FER1L6: variants seen among roughly 807,000 people sequenced by gnomAD.
FER1L6 encodes the protein fer-1 like family member 6.
Under a neutral mutation model 219.2 loss-of-function variants are expected in FER1L6, and 177 were observed. The observed-to-expected ratio is 0.81, with a 90% confidence interval of 0.71 to 0.91. The LOEUF is 0.91. Among genes scored for constraint, FER1L6 ranks in the 40% least tolerant of loss-of-function variants. The pLI, the probability that FER1L6 is intolerant of heterozygous loss-of-function variation, is 0.00. For synonymous variants in FER1L6, 768 were observed against 824.3 expected, an observed-to-expected ratio of 0.93 and a Z score of 1.17; for missense variants, 2,153 against 2,259.9, an observed-to-expected ratio of 0.95 and a Z score of 0.96.
chr8:123,863,803 C>A (rs1437655899), intron 1 of FER1L6, among the ~76,000 whole-genome samples: 1 of 149,820 alleles, frequency 6.7e-6, no homozygotes, highest in East Asian at 1.9e-4. Context: ...GGATTGCAAC[C>A]CCTGCCTTTT....
chr8:124,069,490 A>G lies in FER1L6; in HGVS notation c.3834+15A>G, dbSNP rs372640160. On this transcript the variant is annotated intron_variant, in intron 29 of 40. Transcript: ENST00000522917. ...CCATCTTGCAGGTATGTGGGGACAC[A>G]GGCATCTCTGCCATGGATGGGGAGG... 164 of 1,579,842 alleles carry G rather than the reference A, an allele frequency of 1.0e-4. No individual in the cohort carries two copies. Among genetic ancestry groups the G allele is most frequent in the Middle Eastern group, 6.7e-4 (4 of 5,966 alleles).
chr8:124,119,396 T>C (rs1262882214), intron 40 of FER1L6, among the ~76,000 whole-genome samples: 1 of 152,136 alleles, frequency 6.6e-6, no homozygotes, highest in African/African-American at 2.4e-5. Context: ...TCTCGCTCTC[T>C]GCTCCACACC....
chr8:123,883,352 A>G (rs141438354), intron 1 of FER1L6, among the ~76,000 whole-genome samples: 4 of 152,218 alleles, frequency 2.6e-5, no homozygotes, highest in African/African-American at 7.2e-5. Context: ...AAGCATTGGC[A>G]TGCAGGCACA....
In FER1L6 at chr8:124,101,089, A is replaced by G; in HGVS notation, c.4884-8A>G. ...TGAGTGTTTAAATTATTTTGAATCT[A>G]TTTTTAGGTGGTTAAAGGGCTTGGA... On this transcript the variant is annotated splice_polypyrimidine_tract_variant and splice_region_variant and intron_variant, in intron 37 of 40. Transcript: ENST00000522917. 2.5e-6 allele frequency: 4 copies of G among 1,613,018 alleles called. No homozygotes were observed. The highest frequency in any genetic ancestry group is 3.4e-6 in the Non-Finnish European group (4 of 1,179,258).
At chr8:124,028,961 C>T (rs1004076533) in intron 18 of FER1L6, among the ~76,000 whole-genome samples, 7 of 152,074 alleles carry the variant, frequency 4.6e-5, no homozygotes, top group East Asian at 1.9e-4. Context: ...TGACAGGCCC[C>T]GGTGTGTGAT....
Position 124,035,430 on chromosome 8 carries a change from C to T in FER1L6, c.2440C>T (p.Pro814Ser), listed in dbSNP as rs1247782587. Residue 814 changes from proline to serine, a missense_variant, in exon 19 of 41, where the codon CCC becomes TCC. By Grantham distance (74) the Pro-to-Ser change is moderately conservative. Transcript: ENST00000522917. Reference sequence around the variant, plus strand: ...CTCCAAAGGGGCTGGCACCAATCACCCCCCATCTAACCTGCTCTACCAAGG... The same window carrying T: ...CTCCAAAGGGGCTGGCACCAATCACTCCCCATCTAACCTGCTCTACCAAGG... ...MSSKGAGTNH[P>S]PSNLLYQEQH... 4 of 1,613,290 alleles carry T rather than the reference C, an allele frequency of 2.5e-6. No homozygotes were observed. Among genetic ancestry groups the T allele is most frequent in the Non-Finnish European group, 3.4e-6 (4 of 1,179,894 alleles).
chr8:124,044,571 T>C (rs994516859), intron 20 of FER1L6, among the ~76,000 whole-genome samples: 30 of 152,196 alleles, frequency 2.0e-4, no homozygotes, highest in African/African-American at 6.5e-4. Context: ...ACTTTCCTCC[T>C]AGATTGAACA....
chr8:124,020,197 C>T (rs1180726705), intron 16 of FER1L6, among the ~76,000 whole-genome samples: 1 of 152,182 alleles, frequency 6.6e-6, no homozygotes, highest in African/African-American at 2.4e-5. Context: ...ACTTGCTCCT[C>T]CTTGCCTTCC....
intron 1 of FER1L6, among the ~76,000 whole-genome samples, chr8:123,897,397 G>A (rs1021463156): frequency 1.3e-5 from 2 of 152,302 alleles, no homozygotes; most frequent in Admixed American, 1.3e-4. Context: ...AGACAAGGTA[G>A]GGAGAGTGCT....
At chr8:123,948,222 C>A (rs1814588749) in intron 1 of FER1L6, among the ~76,000 whole-genome samples, 1 of 152,194 alleles carries the variant, frequency 6.6e-6, no homozygotes, top group South Asian at 2.1e-4. Context: ...AACTGAGGCA[C>A]AGCAAGGTTG....
chr8:124,082,366 A>AGAT lies in FER1L6; in HGVS notation c.4302_4304dup (p.Asp1435dup), dbSNP rs1269723207. On this transcript the variant is annotated inframe_insertion, in exon 33 of 41. Coordinates refer to ENST00000522917, the MANE Select transcript of FER1L6 (RefSeq NM_001039112.2). ...TCTATGACCATGACATGATTGGCAC[A>AGAT]GATGACCTTATTGGTGAGACCAAGA... The AGAT allele has an allele frequency of 6.2e-7, 1 of 1,614,096 alleles. No homozygotes were observed. Among genetic ancestry groups the AGAT allele is most frequent in the Non-Finnish European group, 8.5e-7 (1 of 1,179,944 alleles).
chr8:124,067,653 T>G (rs1820883523), intron 27 of FER1L6, 114 bp from the exon 28 acceptor site: 2 of 955,428 alleles, frequency 2.1e-6, no homozygotes, highest in Non-Finnish European at 3.2e-6. Flanking sequence ...ACAGACTGTT[T>G]GAATACTCTT....
At chr8:123,904,787 A>T (rs1812922129) in intron 1 of FER1L6, among the ~76,000 whole-genome samples, 3 of 152,220 alleles carry the variant, frequency 2.0e-5, no homozygotes, top group African/African-American at 7.2e-5. Flanking sequence ...GGCAAACAAC[A>T]AACAGAGAAA....
At chr8:123,870,262 A>G (rs1484106784) in intron 1 of FER1L6, among the ~76,000 whole-genome samples, 4 of 152,256 alleles carry the variant, frequency 2.6e-5, no homozygotes, top group Non-Finnish European at 5.9e-5. Context: ...AAAGCTAAAT[A>G]TAGTCCTAAC....
At chr8:123,914,921 A>C (rs888117309) in intron 1 of FER1L6, among the ~76,000 whole-genome samples, 19 of 152,222 alleles carry the variant, frequency 1.2e-4, no homozygotes, top group Non-Finnish European at 2.5e-4. Flanking sequence ...GAAAATGTAG[A>C]AGCTAATAGG....
chr8:124,118,275 C>T (rs764964389), intron 39 of FER1L6, among the ~76,000 whole-genome samples: 10 of 152,242 alleles, frequency 6.6e-5, no homozygotes, highest in Admixed American at 2.0e-4. Flanking sequence ...TAAAGAAACA[C>T]ATTACTCACA....
At chr8:123,987,929 C>T (rs1457810939) in intron 12 of FER1L6, among the ~76,000 whole-genome samples, 1 of 152,046 alleles carries the variant, frequency 6.6e-6, no homozygotes, top group Non-Finnish European at 1.5e-5. Flanking sequence ...GAAATCCCAT[C>T]TCTAGTAAAA....
intron 1 of FER1L6, among the ~76,000 whole-genome samples, chr8:123,909,208 G>A (rs905449727): frequency 6.6e-6 from 1 of 152,126 alleles, no homozygotes; most frequent in Admixed American, 6.6e-5. Context: ...AAGATGAAGA[G>A]GGAGAAAGCT....
intron 3 of FER1L6, 86 bp downstream of exon 3, chr8:123,963,484 G>A: frequency 1.4e-5 from 21 of 1,487,518 alleles, no homozygotes; most frequent in Non-Finnish European, 1.8e-5. Flanking sequence ...GGAGAAGAGA[G>A]GAGAGTAAGA....
Sources: gnomAD v4.1 joint callset for allele counts (sites outside exome capture counted in the v4.1 genomes callset) on GRCh38, gnomAD v4.1.1 for gene constraint, MANE v1.5 for transcripts, NCBI Gene and HGNC (gene_info 2026-07-23, HGNC 2026-07-21) for gene names.